Variants in VPS33A observed in about 807,000 individuals in gnomAD.
VPS33A encodes vacuolar protein sorting-associated protein 33A.
In VPS33A, 32 loss-of-function variants were observed where a neutral mutation model predicts 71.8. That is an observed-to-expected ratio of 0.45 (90% confidence interval 0.34 to 0.60). The LOEUF (loss-of-function observed/expected upper bound fraction) is 0.60. Ranked by LOEUF, VPS33A falls within the 20% of genes least tolerant of loss-of-function variation. VPS33A has a pLI of 0.02. For synonymous variants in VPS33A, 311 were observed against 292.7 expected, an observed-to-expected ratio of 1.06 and a Z score of -0.64; for missense variants, 625 against 748.5, an observed-to-expected ratio of 0.84 and a Z score of 1.92.
At chr12:122,263,098 C>T (rs1477773526) in intron 3 of VPS33A, among the ~76,000 whole-genome samples, 1 of 150,594 alleles carries the variant, frequency 6.6e-6, no homozygotes, top group Non-Finnish European at 1.5e-5. Flanking sequence ...GTTCAACAGA[C>T]TATCATGCCT....
rs141554510 is a variant in VPS33A at position 122,242,706 on chromosome 12, C to T, written c.970-198G>A. Among the ~76,000 whole-genome samples, 1,393 of 152,246 alleles carry T rather than the reference C, an allele frequency of 9.1e-3. 27 individuals carry two copies. The highest frequency in any genetic ancestry group is 0.032 in the African/African-American group (1,333 of 41,558). ...TAGCTGGGATTACAGGTGCCCACCA[C>T]CATGCCCAAACTAATTTTTGTATTT... On this transcript the variant is annotated intron_variant, in intron 7 of 12. Transcript: ENST00000267199.
rs745624372 is a variant in VPS33A, at chr12:122,238,766, T to TAC, written c.1165-44_1165-43dup. 1,057 of 1,353,724 alleles carry TAC rather than the reference T, an allele frequency of 7.8e-4. 5 individuals carry two copies. In the East Asian group the frequency reaches 0.019, roughly 24 times the overall value. 83.9% of individuals were successfully genotyped at this position (1,353,724 alleles called of 1,614,324 possible). A position where few individuals can be genotyped will look rare whatever the true frequency, so the allele number is the denominator to read the frequency against. On this transcript the variant is annotated intron_variant, in intron 9 of 12. Transcript: ENST00000267199. ...ATACATATACATATACATTTACATATACATACACACACACACACACACACA... is the reference window on the plus strand; with the variant it reads ...ATACATATACATATACATTTACATATACACATACACACACACACACACACACA...
At position 122,240,115 on chromosome 12, in the gene VPS33A, G is replaced by A. The variant is rs143854740; in HGVS notation, c.1097-170C>T. On this transcript the variant is annotated intron_variant, in intron 8 of 12. Transcript: ENST00000267199. ...GGCCGAGGTGGGTGGATCACTTCAGGCCAGGAGTTCAAGACCAGCCTGACC... is the reference window on the plus strand; with the variant it reads ...GGCCGAGGTGGGTGGATCACTTCAGACCAGGAGTTCAAGACCAGCCTGACC... Among the ~76,000 whole-genome samples the A allele has an allele frequency of 2.9e-3, 438 of 152,094 alleles. 3 individuals are homozygous for A. The South Asian group carries it at 0.029, about 10-fold the overall frequency.
chr12:122,261,365 C>A lies in VPS33A; in HGVS notation c.379G>T (p.Asp127Tyr), dbSNP rs2136151272. The change falls in exon 4 of 13, where the codon GAT (aspartate) becomes TAT (tyrosine). Residue 127 changes from aspartate (D) to tyrosine (Y), a missense_variant. Transcript: ENST00000267199. ...RSLLCEQRLKDLGVLGSFIHR... is the reference protein window; with the variant it reads ...RSLLCEQRLKYLGVLGSFIHR... Reference sequence around the variant, plus strand: ...ATAAAGGATCCCAAGACACCCAGATCCTTCAACCGCTGTTCGCACAACAGG... The same window carrying A: ...ATAAAGGATCCCAAGACACCCAGATACTTCAACCGCTGTTCGCACAACAGG... 1 of 1,614,010 alleles carries A rather than the reference C, an allele frequency of 6.2e-7. No homozygotes were observed. The highest frequency in any genetic ancestry group is 8.5e-7 in the Non-Finnish European group (1 of 1,179,964).
intron 7 of VPS33A, among the ~76,000 whole-genome samples, chr12:122,243,088 CAGTATTTTGTGGACATCTG>C (rs1297949644): frequency 1.3e-5 from 2 of 152,142 alleles, no homozygotes; most frequent in African/African-American, 4.8e-5. Context: ...AACACTGTGT[CAGTATTTTGTGGACATCTG>C]AGTATTGGTG....
At chr12:122,239,743 C>G (rs1954685610) in intron 9 of VPS33A, 135 bp downstream of exon 9, 1 of 472,672 alleles carries the variant, frequency 2.1e-6, no homozygotes, top group Non-Finnish European at 3.3e-6. Flanking sequence ...CAGTGAGACT[C>G]CGTCTCAAAA....
At chr12:122,234,243 C>A (rs1273827087) in intron 11 of VPS33A, among the ~76,000 whole-genome samples, 2 of 152,190 alleles carry the variant, frequency 1.3e-5, no homozygotes, top group African/African-American at 4.8e-5. Context: ...TCACTTGGCC[C>A]TGATGGCCCT....
At chr12:122,260,154 C>G (rs1954973131) in intron 4 of VPS33A, among the ~76,000 whole-genome samples, 1 of 152,072 alleles carries the variant, frequency 6.6e-6, no homozygotes, top group Non-Finnish European at 1.5e-5. Flanking sequence ...TGCTACTGGG[C>G]ATGGGGATTC....
intron 12 of VPS33A, 132 bp from the exon 13 acceptor site, chr12:122,232,559 T>C (rs1954577210): frequency 9.0e-7 from 1 of 1,115,664 alleles, no homozygotes; most frequent in Admixed American, 3.0e-5. Context: ...AACCTAAGAA[T>C]ACTGATTTTG....
chr12:122,261,167 G>A, intron 4 of VPS33A, 94 bp downstream of exon 4: 2 of 1,015,230 alleles, frequency 2.0e-6, no homozygotes, highest in Non-Finnish European at 2.8e-6. Context: ...ATATAAAATG[G>A]GACTCAGCTT....
At position 122,232,961 on chromosome 12, in the gene VPS33A, G is replaced by A. The variant is rs200119798; in HGVS notation, c.1448C>T (p.Thr483Met). 13 of 1,592,296 alleles carry A rather than the reference G, an allele frequency of 8.2e-6. No individual in the cohort carries two copies. Among genetic ancestry groups the A allele is most frequent in the Admixed American group, 7.0e-5 (4 of 57,190 alleles). Reference sequence around the variant, plus strand: ...CCCACTGTACACATACGATATGTCCGTGGGGTTCTGTGAGATAATTAAAGA... The same window carrying A: ...CCCACTGTACACATACGATATGTCCATGGGGTTCTGTGAGATAATTAAAGA... ...WMDDVNEQNP[T>M]DISYVYSGYA... Residue 483 changes from threonine (T) to methionine (M), a missense_variant, in exon 12 of 13, where the codon ACG (threonine) becomes ATG (methionine). Coordinates refer to ENST00000267199, the MANE Select transcript of VPS33A (RefSeq NM_022916.6).
chr12:122,263,774 A>T (rs1048115824), intron 2 of VPS33A, 75 bp from the exon 3 acceptor site: 11 of 1,467,244 alleles, frequency 7.5e-6, no homozygotes, highest in Non-Finnish European at 1.0e-5. Flanking sequence ...AGAAATCATA[A>T]ATACCCCCAA....
At position 122,229,920 on chromosome 12, in the gene VPS33A, G is replaced by C. The variant is rs1204361050; in HGVS notation, c.*2326C>G. 1 of 152,150 alleles carries C rather than the reference G, an allele frequency of 6.6e-6. No individual in the cohort carries two copies. The highest frequency in any genetic ancestry group is 1.5e-5 in the Non-Finnish European group (1 of 68,042). The allele number at this position is 152,150 out of a possible 1,614,324, so 9.4% of individuals were successfully genotyped here. On this transcript the variant is annotated 3_prime_UTR_variant, in exon 13 of 13. Coordinates refer to ENST00000267199, the MANE Select transcript of VPS33A (RefSeq NM_022916.6). ...AGTGCAGACACATGAGACTACAACTGAGTATCTGTTCCCAGGACAGAATCC... is the reference window on the plus strand; with the variant it reads ...AGTGCAGACACATGAGACTACAACTCAGTATCTGTTCCCAGGACAGAATCC...
At chr12:122,247,568 A>G (rs528350437) in intron 6 of VPS33A, among the ~76,000 whole-genome samples, 1 of 152,324 alleles carries the variant, frequency 6.6e-6, no homozygotes, top group Admixed American at 6.5e-5. Flanking sequence ...ATACGTGTGG[A>G]AACGCCTCCT....
chr12:122,265,885 G>A (rs1955061745), intron 1 of VPS33A, among the ~76,000 whole-genome samples: 1 of 152,180 alleles, frequency 6.6e-6, no homozygotes, highest in Non-Finnish European at 1.5e-5. Context: ...CTCATAACAC[G>A]CGTGAGCAGC....
rs1201604538 is a variant in VPS33A, at chr12:122,242,320, G to A, written c.1096+62C>T. ...AGGCATTGTGGTGTTGATGACCTAG[G>A]TGTCAAACGTTGTATGTGCAAGTAG... On this transcript the variant is annotated intron_variant, in intron 8 of 12. Transcript: ENST00000267199. The A allele has an allele frequency of 9.5e-6, 15 of 1,582,726 alleles. No homozygotes were observed. In the Admixed American group the frequency reaches 2.0e-4, roughly 22 times the overall value.
At chr12:122,262,365 G>A (rs1955006900) in intron 3 of VPS33A, among the ~76,000 whole-genome samples, 1 of 152,166 alleles carries the variant, frequency 6.6e-6, no homozygotes, top group Non-Finnish European at 1.5e-5. Context: ...TAGGATATCT[G>A]TGTCTCAATA....
At chr12:122,252,025 A>T (rs1343004008) in intron 4 of VPS33A, among the ~76,000 whole-genome samples, 1 of 152,006 alleles carries the variant, frequency 6.6e-6, no homozygotes, top group African/African-American at 2.4e-5. Context: ...TGGGAGGCTG[A>T]GATAGGAGGA....
At chr12:122,235,184 T>G (rs1400985321) in intron 11 of VPS33A, among the ~76,000 whole-genome samples, 1 of 151,564 alleles carries the variant, frequency 6.6e-6, no homozygotes, top group Non-Finnish European at 1.5e-5. Flanking sequence ...GGTCTCGAAC[T>G]CCTGGACTCA....
Sources: allele counts gnomAD v4.1 joint callset (sites outside exome capture counted in the v4.1 genomes callset), GRCh38; gene constraint gnomAD v4.1.1; transcripts MANE v1.5; gene names NCBI Gene and HGNC (gene_info 2026-07-23, HGNC 2026-07-21).